Variants in PCDHGA5 observed in about 807,000 individuals in gnomAD.
PCDHGA5 encodes protocadherin gamma subfamily A, 5.
In PCDHGA5, 36 loss-of-function variants were observed where a neutral mutation model predicts 56.7. That is an observed-to-expected ratio of 0.64 (90% CI 0.49 to 0.84). PCDHGA5 has a LOEUF of 0.84. Ranked by LOEUF, PCDHGA5 falls within the 40% of genes least tolerant of loss-of-function variation. PCDHGA5 has a pLI of 0.00. For missense variants in PCDHGA5, 1,305 were observed against 1,201.5 expected (o/e 1.09, Z -1.27); for synonymous variants, 563 against 520.2 (o/e 1.08, Z -1.12).
chr5:141,438,579 CATACATACATACATAT>C (rs1360889040), intron 1 of PCDHGA5, among the ~76,000 whole-genome samples: 18 of 55,776 alleles, frequency 3.2e-4, no homozygotes, highest in Non-Finnish European at 5.1e-4. Context: ...GATATACATA[CATACATACATACATAT>C]ATATATATAT....
chr5:141,414,148 G>A, intron 1 of PCDHGA5: 1 of 1,598,900 alleles, frequency 6.3e-7, no homozygotes, highest in Non-Finnish European at 8.5e-7. Flanking sequence ...AGAAATACAA[G>A]CAGAAGATGG....
intron 1 of PCDHGA5, chr5:141,419,411 C>A (rs757881409): frequency 1.9e-6 from 3 of 1,613,462 alleles, no homozygotes; most frequent in Non-Finnish European, 2.5e-6. Context: ...GTTCGCGCAG[C>A]GCGCCTTCGA....
At chr5:141,401,113 G>A (rs2094114942) in intron 1 of PCDHGA5, among the ~76,000 whole-genome samples, 1 of 152,192 alleles carries the variant, frequency 6.6e-6, no homozygotes, top group Non-Finnish European at 1.5e-5. Flanking sequence ...GGAGGCCGAG[G>A]CGGTTGGATC....
At chr5:141,395,374 T>A in intron 1 of PCDHGA5, 1 of 1,187,898 alleles carries the variant, frequency 8.4e-7, no homozygotes. Context: ...ATTTTGGTGG[T>A]GTTACTATAA....
chr5:141,394,004 A>G (rs1220367944), intron 1 of PCDHGA5: 6 of 1,613,378 alleles, frequency 3.7e-6, no homozygotes, highest in Non-Finnish European at 4.2e-6. Context: ...TAGAAAAGTC[A>G]ATAGGTAATT....
chr5:141,399,436 C>T (rs550386808), intron 1 of PCDHGA5: 12 of 1,613,996 alleles, frequency 7.4e-6, no homozygotes, highest in Admixed American at 3.3e-5. Context: ...CGTCATCCTA[C>T]ATATCAGAGA....
chr5:141,476,234 G>A lies in PCDHGA5; in HGVS notation c.2422-18573G>A. 6.2e-7 allele frequency: 1 copy of A among 1,614,070 alleles called. No individual in the cohort carries two copies. The highest frequency in any genetic ancestry group is 8.5e-7 in the Non-Finnish European group (1 of 1,180,014). On this transcript the variant is annotated intron_variant, in intron 1 of 3. Coordinates refer to ENST00000518069, the MANE Select transcript of PCDHGA5 (RefSeq NM_018918.3). The surrounding 1 kb of genome is among the most constrained non-coding windows in gnomAD (Gnocchi z 7.6). Reference sequence around the variant, plus strand: ...GGTCATTCACTATGAGATCCCGGAGGAAAGAGAGAAGGGTTTCGCTGTGGG... The same window carrying A: ...GGTCATTCACTATGAGATCCCGGAGAAAAGAGAGAAGGGTTTCGCTGTGGG...
At chr5:141,419,471 G>A in intron 1 of PCDHGA5, 1 of 1,612,462 alleles carries the variant, frequency 6.2e-7, no homozygotes, top group Non-Finnish European at 8.5e-7. Context: ...CCGCGACCAG[G>A]GCTCGCCCGC....
chr5:141,390,322 C>G, intron 1 of PCDHGA5: 1 of 1,606,310 alleles, frequency 6.2e-7, no homozygotes, highest in South Asian at 1.1e-5. Context: ...CATTGCCTAC[C>G]CATTTCTCCA....
chr5:141,394,171 C>T (rs115102808), intron 1 of PCDHGA5: 17,700 of 1,613,924 alleles, frequency 0.011, 141 homozygotes, highest in Non-Finnish European at 0.013. Flanking sequence ...CCTACTTTCC[C>T]TCATGCCTCC....
At chr5:141,370,916 T>G in intron 1 of PCDHGA5, 1 of 1,614,016 alleles carries the variant, frequency 6.2e-7, no homozygotes, top group Non-Finnish European at 8.5e-7. Context: ...ACCTCAGCCC[T>G]GATCCGCACT....
intron 1 of PCDHGA5, chr5:141,383,556 C>A: frequency 6.2e-7 from 1 of 1,612,766 alleles, no homozygotes; most frequent in Non-Finnish European, 8.5e-7. Context: ...ATGGCGGCGA[C>A]CCGCCCCGAT....
At position 141,465,539 on chromosome 5, in the gene PCDHGA5, T is replaced by C. The variant is rs2099105222; in HGVS notation, c.2422-29268T>C. On this transcript the variant is annotated intron_variant, in intron 1 of 3. Transcript: ENST00000518069. ...GATTCTGGGGAAGTTTTCCCAGGCA[T>C]TTTTTCTGCTGAAGCTTTGGTAACT... Among the ~76,000 whole-genome samples the C allele has an allele frequency of 2.0e-5, 3 of 152,178 alleles. No homozygotes were observed. In the South Asian group the frequency reaches 6.2e-4, roughly 32 times the overall value.
At chr5:141,410,847 G>GTTTTT (rs773839667) in intron 1 of PCDHGA5, 12 of 158,330 alleles carry the variant, frequency 7.6e-5, no homozygotes, top group African/African-American at 2.5e-4. Flanking sequence ...TTTTGTCTTT[G>GTTTTT]TCTTTTTTTT....
At position 141,511,349 on chromosome 5, in the gene PCDHGA5, C is replaced by CG; in HGVS notation, c.*176_*177insG. On this transcript the variant is annotated 3_prime_UTR_variant, in exon 4 of 4. Coordinates refer to ENST00000518069, the MANE Select transcript of PCDHGA5 (RefSeq NM_018918.3). The stretch of plus-strand genomic sequence containing the variant: ...GCCCAGTCAGCACCTACCCCTTCCC[C>CG]CCCAGGGGGTTGAATATGCAAAAGC... 7.1e-7 allele frequency: 1 copy of CG among 1,401,498 alleles called. No homozygotes were observed. Among genetic ancestry groups the CG allele is most frequent in the African/African-American group, 1.5e-5 (1 of 68,948 alleles). 86.8% of individuals were successfully genotyped at this position (1,401,498 alleles called of 1,614,324 possible).
rs1482322150 is a variant in PCDHGA5, at chr5:141,485,119, C to T, written c.2422-9688C>T. On this transcript the variant is annotated intron_variant, in intron 1 of 3. Transcript: ENST00000518069. This position sits in a 1 kb window ranked among gnomAD's most constrained non-coding sequence, Gnocchi z 5.7. ...CTCCAGCTGCTGTGGCTGTTTGGGGCGGGTCGGCTTCATCCGCGTCTCAGG... is the reference window on the plus strand; with the variant it reads ...CTCCAGCTGCTGTGGCTGTTTGGGGTGGGTCGGCTTCATCCGCGTCTCAGG... 9.8e-6 allele frequency: 13 copies of T among 1,328,806 alleles called. No individual in the cohort carries two copies. The East Asian group carries it at 1.8e-4, about 19-fold the overall frequency. 82.3% of individuals were successfully genotyped at this position (1,328,806 alleles called of 1,614,324 possible). A position where few individuals can be genotyped will look rare whatever the true frequency, so the allele number is the denominator to read the frequency against.
At chr5:141,371,062 G>GGGTAA (rs757228720) in intron 1 of PCDHGA5, 2 of 1,613,974 alleles carry the variant, frequency 1.2e-6, no homozygotes, top group South Asian at 2.2e-5. Flanking sequence ...CCCTCCAGAA[G>GGGTAA]CTGTACCACC....
chr5:141,418,875 A>G (rs2097697666), intron 1 of PCDHGA5: 1 of 1,613,926 alleles, frequency 6.2e-7, no homozygotes, highest in African/African-American at 1.3e-5. Flanking sequence ...GAAGTTGTAG[A>G]CGAAAACGAC....
At chr5:141,419,723 C>A in intron 1 of PCDHGA5, 6 of 1,613,292 alleles carry the variant, frequency 3.7e-6, no homozygotes, top group Non-Finnish European at 5.1e-6. Flanking sequence ...CCTGGGGCTG[C>A]GAACAGGCGA....
Sources: gnomAD v4.1 joint callset for allele counts (sites outside exome capture counted in the v4.1 genomes callset) on GRCh38, gnomAD v4.1.1 for gene constraint, Gnocchi (gnomAD v3.1) non-coding constraint, MANE v1.5 for transcripts, NCBI Gene and HGNC (gene_info 2026-07-23, HGNC 2026-07-21) for gene names.